The following GOLGA4 variants were observed in gnomAD, a reference collection of about 807,000 sequenced individuals.
GOLGA4 encodes the protein golgin subfamily A member 4.
A neutral mutation model predicts 265.9 loss-of-function variants in GOLGA4; 169 were observed. The ratio of observed to expected loss-of-function variants is 0.64; its 90% CI spans 0.56 to 0.72. GOLGA4 has a LOEUF of 0.72. Among genes scored for constraint, GOLGA4 ranks in the 30% least tolerant of loss-of-function variants. The probability of loss-of-function intolerance (pLI) is 0.00; values close to 1 mark genes in which losing one functional copy is unlikely to be tolerated. For missense variants in GOLGA4, 2,482 were observed against 2,483.4 expected, an observed-to-expected ratio of 1.00 and a Z score of 0.01; for synonymous variants, 923 against 855.8, an observed-to-expected ratio of 1.08 and a Z score of -1.37.
intron 22 of GOLGA4, among the ~76,000 whole-genome samples, chr3:37,357,698 T>C (rs1382317483): frequency 3.3e-5 from 5 of 152,182 alleles, no homozygotes; most frequent in Non-Finnish European, 7.4e-5. Context: ...ATTCATAAAA[T>C]GAGCAATAAG....
At chr3:37,246,168 G>A (rs1048929893) in intron 1 of GOLGA4, among the ~76,000 whole-genome samples, 45 of 152,008 alleles carry the variant, frequency 3.0e-4, no homozygotes, top group Admixed American at 2.9e-3. Flanking sequence ...TTAGTGGGGC[G>A]TGGTGGCGCA....
At chr3:37,352,787 C>T (rs181832952) in intron 21 of GOLGA4, among the ~76,000 whole-genome samples, 1 of 152,036 alleles carries the variant, frequency 6.6e-6, no homozygotes, top group South Asian at 2.1e-4. Context: ...CTATTTCATT[C>T]TGATTCGTGT....
At chr3:37,282,730 C>T (rs765684223) in intron 3 of GOLGA4, among the ~76,000 whole-genome samples, 2 of 152,182 alleles carry the variant, frequency 1.3e-5, no homozygotes, top group Non-Finnish European at 2.9e-5. Flanking sequence ...AGATTTGGTT[C>T]ATTCTCATTG....
intron 8 of GOLGA4, 42 bp from the exon 9 acceptor site, chr3:37,299,246 A>T: frequency 8.0e-7 from 1 of 1,249,306 alleles, no homozygotes; most frequent in Non-Finnish European, 1.2e-6. Context: ...AATGAGAAGA[A>T]GCTTTATTAG....
At chr3:37,269,236 C>T (rs778765852) in intron 2 of GOLGA4, among the ~76,000 whole-genome samples, 1 of 152,116 alleles carries the variant, frequency 6.6e-6, no homozygotes, top group Non-Finnish European at 1.5e-5. Context: ...TCTACAGGCA[C>T]CTCGCTAGGG....
intron 1 of GOLGA4, among the ~76,000 whole-genome samples, chr3:37,246,650 G>A (rs1370644719): frequency 1.3e-5 from 2 of 152,200 alleles, no homozygotes; most frequent in East Asian, 1.9e-4. Flanking sequence ...TGGGTACAGA[G>A]TTTTAGTTTG....
intron 10 of GOLGA4, among the ~76,000 whole-genome samples, chr3:37,314,642 A>AC (rs2096932199): frequency 7.2e-6 from 1 of 138,970 alleles, no homozygotes; most frequent in Admixed American, 7.2e-5. Flanking sequence ...CTCCGTCTCA[A>AC]ACACACACAC....
At chr3:37,310,733 GTGTT>G in intron 10 of GOLGA4, among the ~76,000 whole-genome samples, 1 of 151,060 alleles carries the variant, frequency 6.6e-6, no homozygotes, top group East Asian at 1.9e-4. Context: ...GTGTGTGTGT[GTGTT>G]TTTTTTTTTA....
intron 21 of GOLGA4, among the ~76,000 whole-genome samples, chr3:37,351,838 C>A (rs1439585979): frequency 2.0e-5 from 3 of 152,010 alleles, no homozygotes; most frequent in African/African-American, 7.2e-5. Flanking sequence ...AGAGCACAGG[C>A]AGAGTAGAGT....
At chr3:37,243,651 G>C (rs1578300091) in intron 1 of GOLGA4, 29 bp downstream of exon 1, 1 of 1,590,624 alleles carries the variant, frequency 6.3e-7, no homozygotes, top group Non-Finnish European at 8.6e-7. Flanking sequence ...TCCTCCCCTG[G>C]TTCCGAATAC....
In GOLGA4 at chr3:37,255,132, T is replaced by C. The variant is rs2096744935; in HGVS notation, c.162+3648T>C. ...TCAGTGCAATCCCAGTCAAAATCCT[T>C]ATAGGTTTGTTTTGTTGTCATCATT... is the stretch of plus-strand genomic sequence containing the variant. On this transcript the variant is annotated intron_variant, in intron 2 of 23. Coordinates refer to ENST00000361924, the MANE Select transcript of GOLGA4 (RefSeq NM_002078.5). 2.0e-5 allele frequency among the ~76,000 whole-genome samples: 3 copies of C among 151,558 alleles called. No individual in the cohort carries two copies. In the South Asian group the frequency reaches 6.2e-4, roughly 31 times the overall value.
intron 11 of GOLGA4, among the ~76,000 whole-genome samples, chr3:37,317,206 T>A (rs975630383): frequency 9.9e-5 from 15 of 152,214 alleles, no homozygotes; most frequent in African/African-American, 3.4e-4. Context: ...AGTCTTGCTC[T>A]GTCACCAGGC....
At chr3:37,292,547 G>A (rs1322225407) in intron 5 of GOLGA4, among the ~76,000 whole-genome samples, 2 of 152,104 alleles carry the variant, frequency 1.3e-5, no homozygotes, top group African/African-American at 4.8e-5. Context: ...TTAGCTGGGT[G>A]TGGTGGCACG....
At chr3:37,289,420 A>G (rs2096859156) in intron 5 of GOLGA4, 129 bp downstream of exon 5, 3 of 569,112 alleles carry the variant, frequency 5.3e-6, no homozygotes, top group East Asian at 5.7e-5. Context: ...TCCAGCCTAC[A>G]AGACCAGGGG....
intron 2 of GOLGA4, among the ~76,000 whole-genome samples, chr3:37,271,194 C>G (rs2150717425): frequency 6.6e-6 from 1 of 152,266 alleles, no homozygotes; most frequent in Admixed American, 6.5e-5. Context: ...GGCCCCGTTC[C>G]TAACAGGCTA....
At chr3:37,347,047 G>A (rs2097058713) in intron 20 of GOLGA4, 146 bp from the exon 21 acceptor site, 1 of 481,504 alleles carries the variant, frequency 2.1e-6, no homozygotes, top group Non-Finnish European at 3.8e-6. Flanking sequence ...TGTTTAGTGT[G>A]CATGTGTGTA....
At chr3:37,286,608 G>C (rs2096850165) in intron 4 of GOLGA4, among the ~76,000 whole-genome samples, 1 of 152,152 alleles carries the variant, frequency 6.6e-6, no homozygotes, top group Admixed American at 6.5e-5. Context: ...TTGAGTTACA[G>C]ATCTCGGTAG....
chr3:37,322,228 CT>C (rs1027987530), intron 13 of GOLGA4, among the ~76,000 whole-genome samples: 1 of 152,124 alleles, frequency 6.6e-6, no homozygotes, highest in Non-Finnish European at 1.5e-5. Context: ...CACCTTTCTG[CT>C]TGTCCAGGTT....
intron 2 of GOLGA4, among the ~76,000 whole-genome samples, chr3:37,267,734 A>G (rs1177806530): frequency 1.3e-5 from 2 of 152,210 alleles, no homozygotes; most frequent in African/African-American, 4.8e-5. Flanking sequence ...TACAATGGAG[A>G]AATGTGGCAA....
Sources: allele counts gnomAD v4.1 joint callset (sites outside exome capture counted in the v4.1 genomes callset), GRCh38; gene constraint gnomAD v4.1.1; transcripts MANE v1.5; gene names NCBI Gene and HGNC (gene_info 2026-07-23, HGNC 2026-07-21).